CCDC154: variants seen among roughly 807,000 people sequenced by gnomAD.
The protein encoded by CCDC154 is coiled-coil domain containing 154.
Under a neutral mutation model 87.5 loss-of-function variants are expected in CCDC154, and 91 were observed. The observed-to-expected ratio is 1.04, with a 90% CI of 0.88 to 1.24. CCDC154 has a LOEUF of 1.24. CCDC154 is among the 50% of genes most tolerant of loss of function. The pLI, the probability that CCDC154 is intolerant of heterozygous loss-of-function variation, is 0.00. For missense variants in CCDC154, 903 were observed against 879.2 expected (o/e 1.03, Z -0.34); for synonymous variants, 418 against 400.4 (o/e 1.04, Z -0.52).
chr16:1,438,391 T>G, intron 9 of CCDC154: 1 of 732,956 alleles, frequency 1.4e-6, no homozygotes, highest in Admixed American at 3.1e-5. Flanking sequence ...AGGGGTTCCC[T>G]CCCCATGGCC....
At position 1,444,472 on chromosome 16, in the gene CCDC154, C is replaced by T. The variant is rs527245211; in HGVS notation, c.-150G>A. On this transcript the variant is annotated 5_prime_UTR_variant, in exon 1 of 17. Transcript: ENST00000389176. ...TGGGCCTTGAGGGACGAGCTGCTGC[C>T]CTCGTCTGGCTGCCTTCTCAGGGTC... 8 of 772,914 alleles carry T rather than the reference C, an allele frequency of 1.0e-5. No homozygotes were observed. Among genetic ancestry groups the T allele is most frequent in the Non-Finnish European group, 1.4e-5 (8 of 561,574 alleles). The allele number at this position is 772,914 out of a possible 1,614,324, so 47.9% of individuals were successfully genotyped here.
chr16:1,441,130 C>T (rs1292451106), intron 6 of CCDC154, among the ~76,000 whole-genome samples: 1 of 152,140 alleles, frequency 6.6e-6, no homozygotes, highest in East Asian at 1.9e-4. Flanking sequence ...AAACAAAAAA[C>T]GAGTGTCGGC....
chr16:1,439,415 C>G, intron 6 of CCDC154: 2 of 454,062 alleles, frequency 4.4e-6, no homozygotes, highest in Non-Finnish European at 7.9e-6. Flanking sequence ...GGAAGGCCCC[C>G]CAGCCGCCAC....
intron 6 of CCDC154, among the ~76,000 whole-genome samples, chr16:1,440,837 G>A (rs1027256881): frequency 7.3e-5 from 11 of 151,714 alleles, no homozygotes; most frequent in African/African-American, 2.2e-4. Context: ...TGTAGTCCCA[G>A]CTACTCGGGA....
At chr16:1,440,817 G>C (rs910384036) in intron 6 of CCDC154, among the ~76,000 whole-genome samples, 4 of 151,936 alleles carry the variant, frequency 2.6e-5, no homozygotes, top group Non-Finnish European at 5.9e-5. Context: ...CGGGCGTGGT[G>C]GTGGGCGCCT....
intron 14 of CCDC154, chr16:1,435,415 C>A: frequency 1.8e-6 from 1 of 563,126 alleles, no homozygotes; most frequent in Non-Finnish European, 3.1e-6. Context: ...CTCGTGGCTG[C>A]GGACGGCACC....
In CCDC154 at chr16:1,436,536, G is replaced by C. The variant is rs141015418; in HGVS notation, c.1411-15C>G. On this transcript the variant is annotated splice_polypyrimidine_tract_variant and intron_variant, in intron 12 of 16. Transcript: ENST00000389176. ...ACACTCTCTATCTGAACACAGAGCCGGGAGCGGCGGGCAGCCCCAGGGCGC... is the reference window on the plus strand; with the variant it reads ...ACACTCTCTATCTGAACACAGAGCCCGGAGCGGCGGGCAGCCCCAGGGCGC... The C allele has an allele frequency of 6.5e-7, 1 of 1,548,304 alleles. No homozygotes were observed.
At chr16:1,436,599 G>T in intron 12 of CCDC154, 78 bp from the exon 13 acceptor site, 1 of 1,546,026 alleles carries the variant, frequency 6.5e-7, no homozygotes. Flanking sequence ...CACACAGGGA[G>T]AGGGAGGAGG....
At position 1,443,660 on chromosome 16, in the gene CCDC154, C is replaced by T. The variant is rs76907972; in HGVS notation, c.260G>A (p.Arg87Gln). The T allele has an allele frequency of 1.4e-3, 1,828 of 1,315,384 alleles. 40 individuals carry two copies. The African/African-American group carries it at 0.025, about 18-fold the overall frequency. 81.5% of individuals were successfully genotyped at this position (1,315,384 alleles called of 1,614,324 possible). A position where few individuals can be genotyped will look rare whatever the true frequency, so the allele number is the denominator to read the frequency against. The change falls in exon 3 of 17, where the codon CGG becomes CAG. Residue 87 changes from arginine (R) to glutamine (Q), a missense_variant. Arg to Gln is a conservative substitution (Grantham distance 43, BLOSUM62 1). Coordinates refer to ENST00000389176, the MANE Select transcript of CCDC154 (RefSeq NM_001143980.3). ...GCGCTCACAGCGCTGCTTGTGCTCC[C>T]GCAGGCAGGCCACCTCGGCCTGCAG... ...VELQAEVACL[R>Q]EHKQRCERAT...
At chr16:1,439,153 TGCAGCCTCTGCTGGACAC>T (rs2038529357) in intron 6 of CCDC154, 27 bp from the exon 7 acceptor site, 2 of 1,540,324 alleles carry the variant, frequency 1.3e-6, no homozygotes, top group Non-Finnish European at 1.8e-6. Flanking sequence ...TTGTCCCGTG[TGCAGCCTCTGCTGGACAC>T]GCAGCCGGTC....
intron 11 of CCDC154, 131 bp downstream of exon 11, chr16:1,437,686 A>T (rs930815338): frequency 8.6e-7 from 1 of 1,161,772 alleles, no homozygotes; most frequent in African/African-American, 1.6e-5. Context: ...CCCTGGGGAC[A>T]GTCGCTGGGT....
At chr16:1,440,478 G>A (rs920337613) in intron 6 of CCDC154, among the ~76,000 whole-genome samples, 6 of 150,170 alleles carry the variant, frequency 4.0e-5, no homozygotes, top group Non-Finnish European at 7.4e-5. Context: ...GAAGAGAAGA[G>A]AAGAGAAGAG....
intron 11 of CCDC154, chr16:1,437,340 C>G: frequency 5.6e-6 from 1 of 178,098 alleles, no homozygotes; most frequent in Non-Finnish European, 1.2e-5. Context: ...AGGGGCCCAG[C>G]GGTCGCCAGG....
Position 1,443,315 on chromosome 16 carries a change from G to A in CCDC154, c.415-14C>T, listed in dbSNP as rs1436460104. ...GAGACCAGAGAACTGCGAGGAGGAAGAGGAGGCTGTGGGCTGGACCTAGGC... is the reference window on the plus strand; with the variant it reads ...GAGACCAGAGAACTGCGAGGAGGAAAAGGAGGCTGTGGGCTGGACCTAGGC... On this transcript the variant is annotated splice_polypyrimidine_tract_variant and intron_variant, in intron 3 of 16. Transcript: ENST00000389176. 2.6e-5 allele frequency: 40 copies of A among 1,547,444 alleles called. 1 individual carries two copies. The Admixed American group carries it at 7.8e-4, about 30-fold the overall frequency.
intron 11 of CCDC154, chr16:1,437,216 G>T (rs975589629): frequency 1.8e-5 from 4 of 218,806 alleles, no homozygotes; most frequent in Admixed American, 1.6e-4. Flanking sequence ...CTCTGCGCAC[G>T]AGGCCCCGAG....
At position 1,443,879 on chromosome 16, in the gene CCDC154, C is replaced by G; in HGVS notation, c.141G>C (p.Glu47Asp). The change falls in exon 2 of 17, where the codon GAG becomes GAC. Residue 47 changes from glutamate to aspartate, a missense_variant. Transcript: ENST00000389176. Reference protein sequence around the residue: ...PEPLSLEELSERYESSHPTST... With the variant: ...PEPLSLEELSDRYESSHPTST... Reference sequence around the variant, plus strand: ...ATGTCGGATGGCTGGACTCATACCTCTCCGAGAGCTCCTCCAGGCTCAAGG... The same window carrying G: ...ATGTCGGATGGCTGGACTCATACCTGTCCGAGAGCTCCTCCAGGCTCAAGG... 7.7e-7 allele frequency: 1 copy of G among 1,304,220 alleles called. No homozygotes were observed. Among genetic ancestry groups the G allele is most frequent in the Non-Finnish European group, 1.0e-6 (1 of 988,948 alleles). The allele number at this position is 1,304,220 out of a possible 1,614,324, so 80.8% of individuals were successfully genotyped here. A position where few individuals can be genotyped will look rare whatever the true frequency, so the allele number is the denominator to read the frequency against.
rs985919548 is a variant in CCDC154 at position 1,438,044 on chromosome 16, C to A, written c.1152+6G>T. Reference sequence around the variant, plus strand: ...CCGTTGGGGACATGTTGCGCTACCCCCTCACCAGCACCAGCTCTCCATGCA... The same window carrying A: ...CCGTTGGGGACATGTTGCGCTACCCACTCACCAGCACCAGCTCTCCATGCA... On this transcript the variant is annotated splice_donor_region_variant and intron_variant, in intron 10 of 16. Coordinates refer to ENST00000389176, the MANE Select transcript of CCDC154 (RefSeq NM_001143980.3). 1 of 1,546,982 alleles carries A rather than the reference C, an allele frequency of 6.5e-7. No homozygotes were observed. Among genetic ancestry groups the A allele is most frequent in the Non-Finnish European group, 8.7e-7 (1 of 1,145,000 alleles).
At chr16:1,442,026 C>A (rs2038556449) in intron 6 of CCDC154, among the ~76,000 whole-genome samples, 3 of 151,936 alleles carry the variant, frequency 2.0e-5, no homozygotes, top group Admixed American at 2.0e-4. Context: ...AAGCAATCCT[C>A]CTGCCTCAGC....
rs1373807807 is a variant in CCDC154 at position 1,436,742 on chromosome 16, TC to T, written c.1359del (p.Thr454ProfsTer18). On this transcript the variant is annotated frameshift_variant, in exon 12 of 17. Transcript: ENST00000389176. LOFTEE classifies it high-confidence loss of function. The stretch of plus-strand genomic sequence containing the variant: ...TCCCGCACCCCTCGCAGGTGTTCGG[TC>T]ACCTCCTTCCGCCACCTGGCCAGGT... ...LEDLARWRKE[V>X]TEHLRGVREK... 1 of 1,550,310 alleles carries T rather than the reference TC, an allele frequency of 6.5e-7. No individual in the cohort carries two copies. The highest frequency in any genetic ancestry group is 1.4e-5 in the African/African-American group (1 of 73,042).
Sources: gnomAD v4.1 joint callset for allele counts (sites outside exome capture counted in the v4.1 genomes callset) on GRCh38, gnomAD v4.1.1 for gene constraint, MANE v1.5 for transcripts, NCBI Gene and HGNC (gene_info 2026-07-23, HGNC 2026-07-21) for gene names.